SUSD1: variants seen among roughly 807,000 people sequenced by gnomAD.
SUSD1 encodes the protein sushi domain containing 1.
A neutral mutation model predicts 86.9 loss-of-function variants in SUSD1; 65 were observed. The observed-to-expected ratio is 0.75, with a 90% CI of 0.61 to 0.92. SUSD1 has a LOEUF of 0.92. SUSD1 is among the 40% of genes least tolerant of loss of function. SUSD1 has a pLI of 0.00. For missense variants in SUSD1, 850 were observed against 929.7 expected (o/e 0.91, Z 1.11); for synonymous variants, 346 against 350.0 (o/e 0.99, Z 0.13).
At chr9:112,063,262 C>G (rs774703725) in intron 12 of SUSD1, among the ~76,000 whole-genome samples, 1 of 152,048 alleles carries the variant, frequency 6.6e-6, no homozygotes, top group Non-Finnish European at 1.5e-5. Flanking sequence ...TAGGCAAATT[C>G]ATAGAGACAG....
At chr9:112,152,751 CTTTTTT>C (rs71382410) in intron 2 of SUSD1, among the ~76,000 whole-genome samples, 2 of 87,478 alleles carry the variant, frequency 2.3e-5, no homozygotes, top group Non-Finnish European at 4.2e-5. Flanking sequence ...TTTTTTTAAT[CTTTTTT>C]TTTTTTTTTT....
intron 5 of SUSD1, among the ~76,000 whole-genome samples, chr9:112,138,596 A>T (rs1340082871): frequency 1.3e-5 from 2 of 151,220 alleles, no homozygotes; most frequent in African/African-American, 4.9e-5. Flanking sequence ...TTACAGGTGC[A>T]CGCCACCACG....
At chr9:112,156,076 A>G (rs1833297088) in intron 2 of SUSD1, among the ~76,000 whole-genome samples, 2 of 151,792 alleles carry the variant, frequency 1.3e-5, no homozygotes, top group Non-Finnish European at 2.9e-5. Context: ...TGGGTGTGGC[A>G]GCAAGGTTGC....
intron 2 of SUSD1, among the ~76,000 whole-genome samples, chr9:112,155,921 GGAA>G (rs1833284801): frequency 6.8e-6 from 1 of 147,596 alleles, no homozygotes; most frequent in Non-Finnish European, 1.5e-5. Context: ...AAGAGGAGGA[GGAA>G]GAAGAAGGAA....
At chr9:112,117,759 T>C (rs1383535252) in intron 6 of SUSD1, among the ~76,000 whole-genome samples, 2 of 152,200 alleles carry the variant, frequency 1.3e-5, no homozygotes, top group African/African-American at 4.8e-5. Flanking sequence ...TAAATATAGA[T>C]ACTAAAAACT....
chr9:112,059,443 G>A (rs1426017343), intron 13 of SUSD1, among the ~76,000 whole-genome samples: 4 of 152,132 alleles, frequency 2.6e-5, no homozygotes, highest in Admixed American at 6.5e-5. Flanking sequence ...TACTAAGTCC[G>A]GAAAAAAGGC....
chr9:112,172,769 G>T (rs1329231527), intron 1 of SUSD1, among the ~76,000 whole-genome samples: 2 of 152,062 alleles, frequency 1.3e-5, no homozygotes, highest in Non-Finnish European at 1.5e-5. Context: ...CGTTTCTGCT[G>T]TCATTACTGT....
intron 12 of SUSD1, among the ~76,000 whole-genome samples, chr9:112,065,912 C>A (rs1355087794): frequency 2.0e-5 from 3 of 152,210 alleles, no homozygotes; most frequent in Admixed American, 6.5e-5. Flanking sequence ...CCTGTTGGCA[C>A]CTGTATGATA....
At chr9:112,061,021 C>T (rs1828700419) in intron 13 of SUSD1, among the ~76,000 whole-genome samples, 1 of 152,202 alleles carries the variant, frequency 6.6e-6, no homozygotes, top group South Asian at 2.1e-4. Flanking sequence ...AATTCCCCGA[C>T]CTCATACCGA....
rs1589625563 is a variant in SUSD1, at chr9:112,081,090, CTATT to C, written c.1475-929_1475-926del. On this transcript the variant is annotated intron_variant, in intron 10 of 16. Coordinates refer to ENST00000374270, the MANE Select transcript of SUSD1 (RefSeq NM_022486.5). ...CACCCATCCAAGTAGTCAAGAAAGACTATTTATTCAAAACCCTGACATCAGAGGT... is the reference window on the plus strand; with the variant it reads ...CACCCATCCAAGTAGTCAAGAAAGACTATTCAAAACCCTGACATCAGAGGT... Among the ~76,000 whole-genome samples, 3 of 152,164 alleles carry C rather than the reference CTATT, an allele frequency of 2.0e-5. No homozygotes were observed. The East Asian group carries it at 5.8e-4, about 29-fold the overall frequency.
chr9:112,097,494 G>A (rs891872487), intron 10 of SUSD1, among the ~76,000 whole-genome samples: 2 of 148,946 alleles, frequency 1.3e-5, no homozygotes, highest in Non-Finnish European at 1.5e-5. Flanking sequence ...TGCCTCCCGG[G>A]TTCAGTGATT....
intron 14 of SUSD1, among the ~76,000 whole-genome samples, chr9:112,056,446 A>T (rs1367977553): frequency 2.0e-5 from 3 of 152,246 alleles, no homozygotes; most frequent in African/African-American, 4.8e-5. Context: ...TGGTTAAGAC[A>T]GTAAATTTTA....
intron 12 of SUSD1, 78 bp downstream of exon 12, chr9:112,078,460 C>T (rs1829617119): frequency 1.4e-6 from 2 of 1,383,448 alleles, no homozygotes; most frequent in Admixed American, 4.1e-5. Flanking sequence ...TAAAAAGCAA[C>T]AGTGTTCCTC....
intron 12 of SUSD1, among the ~76,000 whole-genome samples, chr9:112,064,608 G>T (rs1564259350): frequency 6.6e-6 from 1 of 152,220 alleles, no homozygotes; most frequent in East Asian, 1.9e-4. Context: ...GGGTGCGGTG[G>T]CTCACGCCTG....
intron 15 of SUSD1, among the ~76,000 whole-genome samples, chr9:112,046,293 C>CGTAA (rs1412865980): frequency 2.0e-5 from 3 of 152,252 alleles, no homozygotes; most frequent in South Asian, 2.1e-4. Context: ...CTTTGGTTAC[C>CGTAA]CTACCTTTCC....
intron 3 of SUSD1, among the ~76,000 whole-genome samples, chr9:112,144,233 C>G (rs892438706): frequency 2.0e-5 from 3 of 150,850 alleles, no homozygotes; most frequent in African/African-American, 7.3e-5. Flanking sequence ...AGCAAGACCC[C>G]GTCTCAAAGA....
intron 8 of SUSD1, 78 bp from the exon 9 acceptor site, chr9:112,102,363 T>C (rs1187856639): frequency 1.5e-6 from 1 of 659,598 alleles, no homozygotes; most frequent in Non-Finnish European, 2.5e-6. Flanking sequence ...CAAGTGAAAC[T>C]CTGACACCTT....
chr9:112,067,408 C>T (rs926119976), intron 12 of SUSD1, among the ~76,000 whole-genome samples: 2 of 152,236 alleles, frequency 1.3e-5, no homozygotes, highest in African/African-American at 4.8e-5. Flanking sequence ...ACAGATTCCA[C>T]ATGCTTAAGC....
intron 11 of SUSD1, 117 bp downstream of exon 11, chr9:112,079,957 C>T: frequency 2.9e-6 from 2 of 678,836 alleles, no homozygotes; most frequent in Non-Finnish European, 2.5e-6. Flanking sequence ...GCAATTGTCA[C>T]AGTAAATCGT....
Sources: gnomAD v4.1 joint callset for allele counts (sites outside exome capture counted in the v4.1 genomes callset) on GRCh38, gnomAD v4.1.1 for gene constraint, MANE v1.5 for transcripts, NCBI Gene and HGNC (gene_info 2026-07-23, HGNC 2026-07-21) for gene names.